KCNIP1: variants seen among roughly 807,000 people sequenced by gnomAD.
The protein encoded by KCNIP1 is A-type potassium channel modulatory protein KCNIP1.
In KCNIP1, 18 loss-of-function variants were observed where a neutral mutation model predicts 33.0. The observed-to-expected ratio is 0.55, with a 90% confidence interval of 0.38 to 0.81. The LOEUF is 0.81. Among genes scored for constraint, KCNIP1 ranks in the 30% least tolerant of loss-of-function variants. The pLI, the probability that KCNIP1 is intolerant of heterozygous loss-of-function variation, is 0.00. For synonymous variants in KCNIP1, 93 were observed against 98.3 expected (o/e 0.95, Z 0.32); for missense variants, 238 against 271.6 (o/e 0.88, Z 0.87).
At chr5:170,358,175 C>T (rs1156462161) in intron 1 of KCNIP1, among the ~76,000 whole-genome samples, 7 of 152,090 alleles carry the variant, frequency 4.6e-5, no homozygotes, top group Non-Finnish European at 7.4e-5. Flanking sequence ...CAAATGTTAC[C>T]CCAGGCACAG....
rs542694541 is a variant in KCNIP1, at chr5:170,601,239, C to T, written c.61+96606C>T. Among the ~76,000 whole-genome samples the T allele has an allele frequency of 4.9e-3, 744 of 152,306 alleles. 5 individuals carry two copies. The highest frequency in any genetic ancestry group is 0.044 in the Middle Eastern group (13 of 294). On this transcript the variant is annotated intron_variant, in intron 1 of 7. Transcript: ENST00000328939. ...GAGCTAATGGGACACATGCCGGGGA[C>T]GGCTGGGAGTCACAGCGGTGTAGAG...
intron 1 of KCNIP1, among the ~76,000 whole-genome samples, chr5:170,608,687 G>A (rs549090768): frequency 2.0e-5 from 3 of 151,894 alleles, no homozygotes; most frequent in Non-Finnish European, 2.9e-5. Context: ...TAGGAGAATC[G>A]CTTGAACCCG....
intron 1 of KCNIP1, among the ~76,000 whole-genome samples, chr5:170,449,358 C>T (rs866762532): frequency 6.6e-5 from 10 of 152,050 alleles, no homozygotes; most frequent in South Asian, 4.1e-4. Flanking sequence ...AACTGTGCTT[C>T]GGGCACTGAC....
intron 1 of KCNIP1, among the ~76,000 whole-genome samples, chr5:170,414,755 A>G (rs1425427922): frequency 6.6e-6 from 1 of 152,266 alleles, no homozygotes; most frequent in Non-Finnish European, 1.5e-5. Context: ...GAAGGAAATC[A>G]TTACTTGCTA....
intron 1 of KCNIP1, among the ~76,000 whole-genome samples, chr5:170,709,716 C>T (rs1415491751): frequency 6.6e-6 from 1 of 152,118 alleles, no homozygotes; most frequent in African/African-American, 2.4e-5. Context: ...ATATTTCACT[C>T]ATTTTTTTAA....
At chr5:170,712,779 T>C in intron 1 of KCNIP1, 1 of 1,430,146 alleles carries the variant, frequency 7.0e-7, no homozygotes, top group Admixed American at 1.7e-5. Flanking sequence ...GAGCGGCCTC[T>C]CTCCATTGAC....
intron 1 of KCNIP1, among the ~76,000 whole-genome samples, chr5:170,614,519 TTC>T (rs1342636102): frequency 1.3e-5 from 2 of 152,222 alleles, no homozygotes; most frequent in Admixed American, 6.5e-5. Flanking sequence ...CAGAAATATA[TTC>T]TCTGTTTACA....
intron 1 of KCNIP1, among the ~76,000 whole-genome samples, chr5:170,444,523 G>A (rs765495984): frequency 5.9e-5 from 9 of 152,074 alleles, no homozygotes; most frequent in Non-Finnish European, 1.2e-4. Flanking sequence ...GCCATGCAAG[G>A]TAACATACTC....
At chr5:170,366,343 G>A (rs555076933) in intron 1 of KCNIP1, among the ~76,000 whole-genome samples, 210 of 152,334 alleles carry the variant, frequency 1.4e-3, no homozygotes, top group Non-Finnish European at 1.9e-3. Context: ...TGGATGTCGT[G>A]GCAGTCACTG....
intron 1 of KCNIP1, among the ~76,000 whole-genome samples, chr5:170,587,295 C>CCTAT (rs57582706): frequency 0.76 from 115,203 of 151,330 alleles, 44,487 homozygotes; most frequent in East Asian, 0.91. Flanking sequence ...ACTGCAGGCA[C>CCTAT]CTATAGTCCT....
chr5:170,534,471 A>AAGGAGGAGGAGGAGGAGG (rs34048947), intron 1 of KCNIP1, among the ~76,000 whole-genome samples: 2 of 149,330 alleles, frequency 1.3e-5, no homozygotes, highest in African/African-American at 2.5e-5. Context: ...GGAGAGGGAG[A>AAGGAGGAGGAGGAGGAGG]AGGAGGAGGA....
chr5:170,375,476 G>A (rs1261548699), intron 1 of KCNIP1: 1 of 152,574 alleles, frequency 6.6e-6, no homozygotes. Flanking sequence ...AGGGCACCTG[G>A]GTTCCAGGGA....
Position 170,735,856 on chromosome 5 carries a change from AC to A in KCNIP1, c.*52del. 6.8e-7 allele frequency: 1 copy of A among 1,478,912 alleles called. No individual in the cohort carries two copies. Among genetic ancestry groups the A allele is most frequent in the Non-Finnish European group, 9.5e-7 (1 of 1,057,776 alleles). The allele number at this position is 1,478,912 out of a possible 1,614,324, so 91.6% of individuals were successfully genotyped here. On this transcript the variant is annotated 3_prime_UTR_variant, in exon 8 of 8. Coordinates refer to ENST00000328939, the MANE Select transcript of KCNIP1 (RefSeq NM_014592.4). Reference sequence around the variant, plus strand: ...CTCAGAGACATTGTACTAAACAACCACCTTAACACCCTGATCTGCCCTTGTT... The same window carrying A: ...CTCAGAGACATTGTACTAAACAACCACTTAACACCCTGATCTGCCCTTGTT...
chr5:170,520,602 A>G (rs939403323), intron 1 of KCNIP1, among the ~76,000 whole-genome samples: 2 of 25,680 alleles, frequency 7.8e-5, no homozygotes, highest in Non-Finnish European at 1.2e-4. Context: ...AGGGGAATGC[A>G]TTATAAACCA....
chr5:170,515,411 G>A (rs1325679962), intron 1 of KCNIP1, among the ~76,000 whole-genome samples: 1 of 152,192 alleles, frequency 6.6e-6, no homozygotes, highest in Non-Finnish European at 1.5e-5. Context: ...CTCTGCTGGA[G>A]GCAAGTCTGG....
At chr5:170,448,520 G>A (rs920839343) in intron 1 of KCNIP1, among the ~76,000 whole-genome samples, 1 of 152,242 alleles carries the variant, frequency 6.6e-6, no homozygotes, top group African/African-American at 2.4e-5. Flanking sequence ...CCCCTTGAGT[G>A]GGCAGGTTGC....
intron 1 of KCNIP1, among the ~76,000 whole-genome samples, chr5:170,459,699 G>C (rs1756463245): frequency 6.6e-6 from 1 of 152,284 alleles, no homozygotes; most frequent in African/African-American, 2.4e-5. Flanking sequence ...GGGATGCTAA[G>C]AGGAAAGTTC....
At chr5:170,674,083 G>A (rs193199229) in intron 1 of KCNIP1, among the ~76,000 whole-genome samples, 96 of 150,420 alleles carry the variant, frequency 6.4e-4, no homozygotes, top group African/African-American at 2.3e-3. Flanking sequence ...GCATTGTAGG[G>A]GATTTAGCAG....
chr5:170,549,366 T>C lies in KCNIP1; in HGVS notation c.61+44733T>C, dbSNP rs1469233992. Reference sequence around the variant, plus strand: ...GTGCAGTTTCGTTATATGGAAGTATTGCACAGTGATGAAGCCATGGCTTTT... The same window carrying C: ...GTGCAGTTTCGTTATATGGAAGTATCGCACAGTGATGAAGCCATGGCTTTT... On this transcript the variant is annotated intron_variant, in intron 1 of 7. Transcript: ENST00000328939. Among the ~76,000 whole-genome samples the C allele has an allele frequency of 2.0e-5, 3 of 152,316 alleles. No individual in the cohort carries two copies. In the East Asian group the frequency reaches 5.8e-4, roughly 29 times the overall value.
Sources: gnomAD v4.1 joint callset for allele counts (sites outside exome capture counted in the v4.1 genomes callset) on GRCh38, gnomAD v4.1.1 for gene constraint, MANE v1.5 for transcripts, NCBI Gene and HGNC (gene_info 2026-07-23, HGNC 2026-07-21) for gene names.